Variants in NBPF4 observed in about 807,000 individuals in gnomAD.
The protein encoded by NBPF4 is NBPF member 4, also known as NBPF family member NBPF4.
In NBPF4, 11 loss-of-function variants were observed where a neutral mutation model predicts 21.1. The observed-to-expected ratio is 0.52, with a 90% CI of 0.33 to 0.86. The LOEUF (loss-of-function observed/expected upper bound fraction) is 0.86, where lower values mean the gene tolerates loss of function less well. NBPF4 is among the 40% of genes least tolerant of loss of function. The probability of loss-of-function intolerance (pLI) is 0.03; values close to 1 mark genes in which losing one functional copy is unlikely to be tolerated. For missense variants in NBPF4, 88 were observed against 265.3 expected (o/e 0.33, Z 4.64); for synonymous variants, 47 against 106.4 (o/e 0.44, Z 3.43).
At chr1:108,252,405 C>CCTT in the NBPF4 span, among the ~76,000 whole-genome samples, 1 of 30,336 alleles carries the variant, frequency 3.3e-5, no homozygotes, top group East Asian at 8.8e-4. Context: ...TGTGTCTCTG[C>CCTT]CAGGTTTTGG....
Position 108,222,646 on chromosome 1 carries a change from T to C in NBPF4, c.*1059A>G, listed in dbSNP as rs1439486538. 6.6e-6 allele frequency among the ~76,000 whole-genome samples: 1 copy of C among 152,202 alleles called. No individual in the cohort carries two copies. Among genetic ancestry groups the C allele is most frequent in the Non-Finnish European group, 1.5e-5 (1 of 68,038 alleles). ...AAGTTAAAATTTGGGCAGGGAATGA[T>C]CTTTTTTACAAAGAATGCCAGCAAA... On this transcript the variant is annotated 3_prime_UTR_variant, in exon 15 of 15. Transcript: ENST00000415641.
chr1:108,258,369 T>C, the NBPF4 span, among the ~76,000 whole-genome samples: 1 of 138,808 alleles, frequency 7.2e-6, no homozygotes, highest in African/African-American at 2.7e-5. Flanking sequence ...GATTTATCCC[T>C]ATGCATTTTA....
chr1:108,241,316 A>T (rs1398810694), intron 3 of NBPF4, among the ~76,000 whole-genome samples, 152 bp from the exon 4 acceptor site: 1 of 102,442 alleles, frequency 9.8e-6, no homozygotes, highest in East Asian at 4.1e-4. Flanking sequence ...GCCAAGAGAA[A>T]GAAGAATATA....
intron 10 of NBPF4, among the ~76,000 whole-genome samples, chr1:108,233,559 TACTC>T (rs1649633729): frequency 1.2e-5 from 1 of 84,538 alleles, no homozygotes; most frequent in Non-Finnish European, 2.8e-5. Flanking sequence ...AATCATCAAA[TACTC>T]ACGTTGTTCA....
upstream of NBPF4, among the ~76,000 whole-genome samples, chr1:108,247,921 C>T (rs1196362904): frequency 1.6e-4 from 24 of 150,034 alleles, no homozygotes; most frequent in African/African-American, 4.9e-4. Flanking sequence ...ACAAGTGATC[C>T]TCCTGCCTCA....
upstream of NBPF4, among the ~76,000 whole-genome samples, chr1:108,246,601 C>G (rs936736604): frequency 9.7e-6 from 1 of 103,000 alleles, no homozygotes; most frequent in African/African-American, 3.5e-5. Context: ...CCTGCACTTA[C>G]CCTCGTCCTG....
upstream of NBPF4, among the ~76,000 whole-genome samples, chr1:108,247,717 AAAAC>A (rs552779874): frequency 8.8e-3 from 1,317 of 149,736 alleles, no homozygotes; most frequent in African/African-American, 0.03. Context: ...ATTAAAAAAC[AAAAC>A]AAACAAACAA....
intron 12 of NBPF4, 110 bp from the exon 13 acceptor site, chr1:108,229,266 C>G (rs1417220983): frequency 2.5e-6 from 2 of 791,172 alleles, no homozygotes; most frequent in Admixed American, 2.3e-5. Context: ...ACCCAGTGAC[C>G]CACGCCACAC....
the NBPF4 span, among the ~76,000 whole-genome samples, chr1:108,259,554 TC>T: frequency 1.4e-5 from 2 of 144,650 alleles, no homozygotes; most frequent in Non-Finnish European, 3.0e-5. Flanking sequence ...CCTTCTTCCT[TC>T]TTTTACCTGT....
chr1:108,226,231 TC>T (rs1428618334), intron 14 of NBPF4, among the ~76,000 whole-genome samples: 1 of 151,050 alleles, frequency 6.6e-6, no homozygotes, highest in African/African-American at 2.5e-5. Context: ...GTTGTGTTGC[TC>T]AAAAGAAGAC....
the NBPF4 span, among the ~76,000 whole-genome samples, chr1:108,264,860 C>G: frequency 8.5e-6 from 1 of 117,530 alleles, no homozygotes; most frequent in South Asian, 3.4e-4. Context: ...AAAGAGACAA[C>G]GTACCAGAAC....
chr1:108,254,428 A>AC, the NBPF4 span, among the ~76,000 whole-genome samples: 1 of 2,224 alleles, frequency 4.5e-4, no homozygotes, highest in African/African-American at 1.7e-3. Flanking sequence ...TGCACCCCCA[A>AC]CCCCCACCCC....
upstream of NBPF4, among the ~76,000 whole-genome samples, chr1:108,247,733 CA>C (rs1159201420): frequency 2.0e-5 from 3 of 149,790 alleles, no homozygotes. Flanking sequence ...AACAAACAAA[CA>C]AAAAACCTTC....
chr1:108,265,074 C>A, the NBPF4 span, among the ~76,000 whole-genome samples: 1 of 152,154 alleles, frequency 6.6e-6, no homozygotes, highest in African/African-American at 2.4e-5. Flanking sequence ...TTCTGCACAG[C>A]AAAAGAAACT....
the NBPF4 span, among the ~76,000 whole-genome samples, chr1:108,256,498 CTTTCT>C: frequency 8.1e-6 from 1 of 123,586 alleles, no homozygotes; most frequent in African/African-American, 3.2e-5. Flanking sequence ...CTCTTTCTTT[CTTTCT>C]TTTTTCTCCC....
chr1:108,258,547 G>C, the NBPF4 span, among the ~76,000 whole-genome samples: 14 of 140,408 alleles, frequency 1.0e-4, 4 homozygotes, highest in Admixed American at 1.0e-3. Flanking sequence ...GGGGGGTGGG[G>C]GTCCTGCGTA....
In NBPF4 at chr1:108,222,827, A is replaced by T. The variant is rs1649348879; in HGVS notation, c.*878T>A. ...TATACTATTTCAAACCACTTTCCAA[A>T]TTACTTACAAATAAGATGTCTTTAC... is the stretch of plus-strand genomic sequence containing the variant. On this transcript the variant is annotated 3_prime_UTR_variant, in exon 15 of 15. Coordinates refer to ENST00000415641, the MANE Select transcript of NBPF4 (RefSeq NM_001143989.3). Among the ~76,000 whole-genome samples the T allele has an allele frequency of 1.3e-5, 2 of 152,210 alleles. No homozygotes were observed. The highest frequency in any genetic ancestry group is 1.3e-4 in the Admixed American group (2 of 15,282).
the NBPF4 span, among the ~76,000 whole-genome samples, chr1:108,252,713 G>C: frequency 7.2e-6 from 1 of 138,858 alleles, no homozygotes; most frequent in African/African-American, 2.9e-5. Flanking sequence ...TTGTTGAGCT[G>C]TTGTATGCAT....
At chr1:108,254,052 G>A in the NBPF4 span, among the ~76,000 whole-genome samples, 4 of 109,810 alleles carry the variant, frequency 3.6e-5, no homozygotes, top group African/African-American at 1.1e-4. Flanking sequence ...CTGTGCAGAA[G>A]CTATTTGGTT....
Sources: gnomAD v4.1 joint callset for allele counts (sites outside exome capture counted in the v4.1 genomes callset) on GRCh38, gnomAD v4.1.1 for gene constraint, MANE v1.5 for transcripts, NCBI Gene and HGNC (gene_info 2026-07-23, HGNC 2026-07-21) for gene names.